Variants in COL5A1 observed in about 807,000 individuals in gnomAD.
COL5A1 encodes collagen type V alpha 1 chain.
COL5A1 carries 16 observed loss-of-function variants against 263.7 expected under a neutral mutation model. The observed-to-expected ratio is 0.06, with a 90% CI of 0.04 to 0.09. The LOEUF is 0.09. Among genes scored for constraint, COL5A1 ranks in the 10% least tolerant of loss-of-function variants. The pLI is 1.00. For missense variants in COL5A1, 2,036 were observed against 2,540.5 expected (o/e 0.80, Z 4.27); for synonymous variants, 1,012 against 1,004.5 (o/e 1.01, Z -0.14).
intron 4 of COL5A1, among the ~76,000 whole-genome samples, chr9:134,707,022 G>A (rs1833858455): frequency 6.6e-6 from 1 of 152,196 alleles, no homozygotes; most frequent in Admixed American, 6.5e-5. Context: ...CCTCATCTAT[G>A]GGCCCTGAGC....
rs1833469509 is a variant in COL5A1 at position 134,696,359 on chromosome 9, CAG to C, written c.278-3546_278-3545del. Among the ~76,000 whole-genome samples, 1 of 151,960 alleles carries C rather than the reference CAG, an allele frequency of 6.6e-6. No individual in the cohort carries two copies. Among genetic ancestry groups the C allele is most frequent in the Non-Finnish European group, 1.5e-5 (1 of 67,988 alleles). On this transcript the variant is annotated intron_variant, in intron 2 of 65. Coordinates refer to ENST00000371817, the MANE Select transcript of COL5A1 (RefSeq NM_000093.5). This position sits in a 1 kb window ranked among gnomAD's most constrained non-coding sequence, Gnocchi z 4.3. ...CGGCTAATTTTTTTTATATTTTTGG[CAG>C]AGACAGGGATTCACCATGTTGGCCA...
intron 1 of COL5A1, among the ~76,000 whole-genome samples, chr9:134,690,311 AC>A (rs201095669): frequency 0.015 from 1,421 of 94,446 alleles, 13 homozygotes; most frequent in Non-Finnish European, 0.027. Context: ...GTGGATAATG[AC>A]GGGGGGATAA....
chr9:134,825,294 A>G (rs1839219351), intron 62 of COL5A1, among the ~76,000 whole-genome samples: 1 of 152,164 alleles, frequency 6.6e-6, no homozygotes. Flanking sequence ...ACGGCCTTCA[A>G]ACTCCGCGAT....
At chr9:134,800,278 C>G (rs969867270) in intron 37 of COL5A1, among the ~76,000 whole-genome samples, 4 of 150,496 alleles carry the variant, frequency 2.7e-5, no homozygotes, top group African/African-American at 1.0e-4. Context: ...GCTCCGATCT[C>G]CCTTCAGGCT....
intron 1 of COL5A1, among the ~76,000 whole-genome samples, chr9:134,673,052 A>G (rs1832584942): frequency 6.6e-6 from 1 of 152,250 alleles, no homozygotes; most frequent in African/African-American, 2.4e-5. Context: ...ATTCTCATGG[A>G]CCAGAAGACT....
chr9:134,659,089 T>C (rs1463053359), intron 1 of COL5A1, among the ~76,000 whole-genome samples: 1 of 152,174 alleles, frequency 6.6e-6, no homozygotes, highest in African/African-American at 2.4e-5. Flanking sequence ...GTGGCAGAGT[T>C]AGGCCTTTAA....
chr9:134,671,713 A>T (rs1004528270), intron 1 of COL5A1, among the ~76,000 whole-genome samples: 5 of 152,180 alleles, frequency 3.3e-5, no homozygotes, highest in Non-Finnish European at 7.4e-5. Context: ...TGTAACTGGA[A>T]GTGTATTCCT....
At position 134,738,493 on chromosome 9, in the gene COL5A1, C is replaced by T. The variant is rs746905443; in HGVS notation, c.1409C>T (p.Pro470Leu). The T allele has an allele frequency of 2.5e-5, 40 of 1,613,906 alleles. No individual in the cohort carries two copies. The highest frequency in any genetic ancestry group is 1.6e-4 in the Middle Eastern group (1 of 6,084). Residue 470 changes from proline to leucine, a missense_variant, in exon 10 of 66, where the codon CCG becomes CTG. By Grantham distance (98) the Pro-to-Leu change is moderately conservative. Coordinates refer to ENST00000371817, the MANE Select transcript of COL5A1 (RefSeq NM_000093.5). Reference protein sequence around the residue: ...IIEPGMLIEGPPGPEGPAGLP... With the variant: ...IIEPGMLIEGLPGPEGPAGLP... ...CCCCAGGGCATGCTCATCGAGGGCC[C>T]GCCTGGCCCAGAAGGCCCCGCGGTG...
intron 1 of COL5A1, among the ~76,000 whole-genome samples, chr9:134,685,391 C>T (rs1833010348): frequency 6.6e-6 from 1 of 150,478 alleles, no homozygotes; most frequent in African/African-American, 2.5e-5. Context: ...ATTCATCCAT[C>T]CATCCACCAT....
chr9:134,761,269 G>T (rs78963656), intron 18 of COL5A1, among the ~76,000 whole-genome samples: 4 of 148,694 alleles, frequency 2.7e-5, no homozygotes, highest in African/African-American at 7.5e-5. Context: ...ACGTGCACTC[G>T]CATACACACA....
At position 134,707,834 on chromosome 9, in the gene COL5A1, A is replaced by G. The variant is rs115800647; in HGVS notation, c.654+6501A>G. On this transcript the variant is annotated intron_variant, in intron 4 of 65. Coordinates refer to ENST00000371817, the MANE Select transcript of COL5A1 (RefSeq NM_000093.5). ...TGGAGCCCGCAGCCCATCACTGGGC[A>G]GCCGGGGAAGCCCCAGGGGAGGGAA... 8.7e-3 allele frequency among the ~76,000 whole-genome samples: 1,320 copies of G among 152,334 alleles called. 24 individuals carry two copies. Among genetic ancestry groups the G allele is most frequent in the African/African-American group, 0.03 (1,267 of 41,578 alleles).
At chr9:134,784,074 C>T (rs891317466) in intron 29 of COL5A1, among the ~76,000 whole-genome samples, 3 of 152,108 alleles carry the variant, frequency 2.0e-5, no homozygotes, top group African/African-American at 7.2e-5. Context: ...GGAACAGGAC[C>T]CCATATGCGG....
intron 11 of COL5A1, among the ~76,000 whole-genome samples, chr9:134,749,290 G>A (rs537068016): frequency 1.3e-5 from 2 of 152,342 alleles, no homozygotes; most frequent in East Asian, 1.9e-4. Context: ...AGTGATGAAT[G>A]TGTTAGTTAG....
chr9:134,791,745 T>C (rs1837698492), intron 32 of COL5A1, among the ~76,000 whole-genome samples: 1 of 107,044 alleles, frequency 9.3e-6, no homozygotes, highest in Non-Finnish European at 2.2e-5. Flanking sequence ...TCTTTTGCCT[T>C]GGGCTTTGGA....
In COL5A1 at chr9:134,731,504, G is replaced by A. The variant is rs763292133; in HGVS notation, c.1173G>A (p.Pro391=). ...ADTSNSSNPA[P]PPGEGADDLE... ...TTCCTCTCCCTCTGCAGCCAGCTCC[G>A]CCTCCAGGGGAAGGTGCGGATGACT... is the stretch of plus-strand genomic sequence containing the variant. Residue 391 remains proline, a synonymous_variant, in exon 8 of 66, where the codon CCG becomes CCA. Transcript: ENST00000371817. 6 of 1,614,064 alleles carry A rather than the reference G, an allele frequency of 3.7e-6. No individual in the cohort carries two copies. The African/African-American group carries it at 5.3e-5, about 14-fold the overall frequency.
At chr9:134,729,980 G>C (rs1834818504) in intron 6 of COL5A1, among the ~76,000 whole-genome samples, 1 of 152,196 alleles carries the variant, frequency 6.6e-6, no homozygotes, top group South Asian at 2.1e-4. Context: ...GTGTAACTGG[G>C]TGGGTTTGAG....
intron 34 of COL5A1, among the ~76,000 whole-genome samples, chr9:134,795,826 G>A (rs1485782401): frequency 1.3e-5 from 2 of 152,258 alleles, no homozygotes; most frequent in African/African-American, 4.8e-5. Context: ...ACTCCTACCT[G>A]TCCAGGATGC....
At chr9:134,695,779 G>C (rs1440456279) in intron 2 of COL5A1, among the ~76,000 whole-genome samples, 3 of 152,168 alleles carry the variant, frequency 2.0e-5, no homozygotes. Context: ...TTCACTTCTG[G>C]CCATGACAAA....
intron 24 of COL5A1, among the ~76,000 whole-genome samples, chr9:134,768,167 G>A (rs959454275): frequency 6.6e-6 from 1 of 152,204 alleles, no homozygotes; most frequent in African/African-American, 2.4e-5. Context: ...GAAGAATGGG[G>A]GCACTTGGTG....
Sources: allele counts gnomAD v4.1 joint callset (sites outside exome capture counted in the v4.1 genomes callset), GRCh38; gene constraint gnomAD v4.1.1; non-coding constraint Gnocchi (gnomAD v3.1); transcripts MANE v1.5; gene names NCBI Gene and HGNC (gene_info 2026-07-23, HGNC 2026-07-21).